MAP4K3: variants seen among roughly 807,000 people sequenced by gnomAD.
The protein encoded by MAP4K3 is MAPK/ERK kinase kinase kinase 3.
MAP4K3 carries 94 observed loss-of-function variants against 143.5 expected under a neutral mutation model. The ratio of observed to expected loss-of-function variants is 0.65; its 90% CI spans 0.55 to 0.78. The LOEUF (loss-of-function observed/expected upper bound fraction) is 0.78. Among genes scored for constraint, MAP4K3 ranks in the 30% least tolerant of loss-of-function variants. MAP4K3 has a pLI of 0.00. For missense variants in MAP4K3, 1,077 were observed against 1,068.1 expected (o/e 1.01, Z -0.12); for synonymous variants, 416 against 347.2 (o/e 1.20, Z -2.20).
intron 1 of MAP4K3, among the ~76,000 whole-genome samples, chr2:39,378,724 T>C (rs1446132074): frequency 6.6e-6 from 1 of 152,080 alleles, no homozygotes; most frequent in Non-Finnish European, 1.5e-5. Context: ...CACCTGATGG[T>C]ACAGTCAAAT....
At chr2:39,297,028 T>C (rs1239343307) in intron 16 of MAP4K3, among the ~76,000 whole-genome samples, 1 of 152,234 alleles carries the variant, frequency 6.6e-6, no homozygotes. Context: ...TAATTCAATG[T>C]ACTCTTTTAA....
At position 39,260,713 on chromosome 2, in the gene MAP4K3, T is replaced by TA. The variant is rs1680533888; in HGVS notation, c.2200_2201insT (p.Glu734ValfsTer11). ...GACACCAACACAAACTAAAGGGTAC[T>TA]CCTGTTCAGGAACTACCAGCATTTC... On this transcript the variant is annotated frameshift_variant, in exon 29 of 34. Coordinates refer to ENST00000263881, the MANE Select transcript of MAP4K3 (RefSeq NM_003618.4). LOFTEE classifies it high-confidence loss of function. 6.2e-7 allele frequency: 1 copy of TA among 1,613,688 alleles called. No homozygotes were observed. The highest frequency in any genetic ancestry group is 1.3e-5 in the African/African-American group (1 of 74,930).
intron 1 of MAP4K3, among the ~76,000 whole-genome samples, chr2:39,422,630 T>C (rs1667578714): frequency 6.6e-6 from 1 of 152,146 alleles, no homozygotes; most frequent in Admixed American, 6.5e-5. Flanking sequence ...TCAACTAATC[T>C]TTCACAAAGA....
intron 1 of MAP4K3, among the ~76,000 whole-genome samples, chr2:39,413,841 T>G (rs564363319): frequency 1.1e-4 from 17 of 152,084 alleles, no homozygotes; most frequent in African/African-American, 3.6e-4. Flanking sequence ...ATTTTGTCAC[T>G]CAAGAGGGGC....
intron 3 of MAP4K3, among the ~76,000 whole-genome samples, chr2:39,353,447 T>G (rs1205306536): frequency 6.6e-6 from 1 of 152,232 alleles, no homozygotes; most frequent in East Asian, 1.9e-4. Context: ...TATATTTAAA[T>G]CAGTGTTTCT....
intron 16 of MAP4K3, among the ~76,000 whole-genome samples, chr2:39,294,932 G>A (rs1013036094): frequency 6.6e-6 from 1 of 151,780 alleles, no homozygotes; most frequent in African/African-American, 2.4e-5. Context: ...AGTATACACT[G>A]GAGTTTTCCA....
chr2:39,330,515 A>C (rs1352980551), intron 8 of MAP4K3, among the ~76,000 whole-genome samples: 1 of 152,104 alleles, frequency 6.6e-6, no homozygotes, highest in Non-Finnish European at 1.5e-5. Context: ...GAATCCAAGA[A>C]AGGAATGCTA....
intron 1 of MAP4K3, among the ~76,000 whole-genome samples, chr2:39,417,974 G>A (rs905130012): frequency 5.3e-5 from 8 of 152,076 alleles, no homozygotes; most frequent in Admixed American, 2.6e-4. Flanking sequence ...AGGCCGAGGT[G>A]GGCAGATTAT....
intron 21 of MAP4K3, among the ~76,000 whole-genome samples, chr2:39,286,282 C>G (rs2148472127): frequency 6.6e-6 from 1 of 152,332 alleles, no homozygotes; most frequent in East Asian, 1.9e-4. Flanking sequence ...AATGCTGCAG[C>G]TGACCTGACA....
At chr2:39,264,730 C>A (rs991576074) in intron 28 of MAP4K3, among the ~76,000 whole-genome samples, 1 of 151,966 alleles carries the variant, frequency 6.6e-6, no homozygotes, top group African/African-American at 2.4e-5. Context: ...AAAAATTATT[C>A]ATTAATTAAA....
intron 2 of MAP4K3, among the ~76,000 whole-genome samples, chr2:39,371,278 T>C (rs866194467): frequency 2.6e-5 from 4 of 152,198 alleles, no homozygotes; most frequent in Non-Finnish European, 4.4e-5. Flanking sequence ...GAGAGCTGTA[T>C]GTAAAGGGGC....
At chr2:39,378,216 A>G in intron 1 of MAP4K3, 93 bp from the exon 2 acceptor site, 1 of 639,864 alleles carries the variant, frequency 1.6e-6, no homozygotes, top group Non-Finnish European at 2.7e-6. Flanking sequence ...CAGTTATATA[A>G]AAATATTTTA....
intron 12 of MAP4K3, among the ~76,000 whole-genome samples, chr2:39,321,092 A>G (rs1293146780): frequency 6.6e-6 from 1 of 152,198 alleles, no homozygotes; most frequent in Non-Finnish European, 1.5e-5. Flanking sequence ...TTTAGTTTAC[A>G]AAGTGTTTTG....
chr2:39,268,634 ATTTTT>A (rs70954799), intron 26 of MAP4K3, among the ~76,000 whole-genome samples: 34 of 73,780 alleles, frequency 4.6e-4, no homozygotes, highest in South Asian at 1.7e-3. Flanking sequence ...GATTTTTTCT[ATTTTT>A]TTTTTTTTTT....
At chr2:39,319,222 T>C (rs1239649997) in intron 12 of MAP4K3, among the ~76,000 whole-genome samples, 2 of 152,006 alleles carry the variant, frequency 1.3e-5, no homozygotes, top group Non-Finnish European at 2.9e-5. Flanking sequence ...ATACACTCAA[T>C]TACATACTTT....
Position 39,307,983 on chromosome 2 carries a change from T to C in MAP4K3, c.1079A>G (p.Asp360Gly). 6.3e-7 allele frequency: 1 copy of C among 1,598,968 alleles called. No homozygotes were observed. The highest frequency in any genetic ancestry group is 2.3e-5 in the East Asian group (1 of 43,830). Residue 360 changes from aspartate to glycine, a missense_variant, in exon 15 of 34, where the codon GAC (aspartate) becomes GGC (glycine). Coordinates refer to ENST00000263881, the MANE Select transcript of MAP4K3 (RefSeq NM_003618.4). ...AGTGTAGTATATTTCTTCTGAACTG[T>C]CCAAAAAACCATCACTGTCGGGCTG... The part of the protein sequence containing the change: ...HELPDSDGFL[D>G]SSEEIYYTAR...
Position 39,437,189 on chromosome 2 carries a change from C to A in MAP4K3, c.-202G>T. On this transcript the variant is annotated 5_prime_UTR_variant, in exon 1 of 34. Transcript: ENST00000263881. ...CGACAAGCGGCCAATCGTCCCCGCCCCCCGCGGCCCGCCGCCGCGCCGAAC... is the reference window on the plus strand; with the variant it reads ...CGACAAGCGGCCAATCGTCCCCGCCACCCGCGGCCCGCCGCCGCGCCGAAC... The A allele has an allele frequency of 5.7e-6, 2 of 350,748 alleles. No individual in the cohort carries two copies. Among genetic ancestry groups the A allele is most frequent in the Non-Finnish European group, 1.0e-5 (2 of 198,768 alleles). 21.7% of individuals were successfully genotyped at this position (350,748 alleles called of 1,614,324 possible). A position where few individuals can be genotyped will look rare whatever the true frequency, so the allele number is the denominator to read the frequency against.
rs1683081977 is a variant in MAP4K3, at chr2:39,315,391, A to G, written c.919-3T>C. 1.2e-6 allele frequency: 2 copies of G among 1,602,360 alleles called. No individual in the cohort carries two copies. The highest frequency in any genetic ancestry group is 1.3e-5 in the African/African-American group (1 of 74,718). On this transcript the variant is annotated splice_polypyrimidine_tract_variant and splice_region_variant and intron_variant, in intron 12 of 33. Coordinates refer to ENST00000263881, the MANE Select transcript of MAP4K3 (RefSeq NM_003618.4). The stretch of plus-strand genomic sequence containing the variant: ...CTATGTGGTACAGCAACAAGAGGCT[A>G]GAAAAGAACAAAATCAATGATATGC...
At chr2:39,309,744 G>A (rs1425882777) in intron 13 of MAP4K3, among the ~76,000 whole-genome samples, 1 of 151,456 alleles carries the variant, frequency 6.6e-6, no homozygotes, top group Non-Finnish European at 1.5e-5. Flanking sequence ...ATTTTTAGTA[G>A]AGACGGGGTT....
Sources: allele counts gnomAD v4.1 joint callset (sites outside exome capture counted in the v4.1 genomes callset), GRCh38; gene constraint gnomAD v4.1.1; transcripts MANE v1.5; gene names NCBI Gene and HGNC (gene_info 2026-07-23, HGNC 2026-07-21).